ITFG1: variants seen among roughly 807,000 people sequenced by gnomAD.
ITFG1 encodes the protein integrin alpha FG-GAP repeat containing 1.
A neutral mutation model predicts 81.8 loss-of-function variants in ITFG1; 34 were observed. The ratio of observed to expected loss-of-function variants is 0.42; its 90% CI spans 0.32 to 0.55. ITFG1 has a LOEUF of 0.55. ITFG1 is among the 20% of genes least tolerant of loss of function. The pLI is 0.17. For synonymous variants in ITFG1, 285 were observed against 270.6 expected, an observed-to-expected ratio of 1.05 and a Z score of -0.52; for missense variants, 672 against 755.4, an observed-to-expected ratio of 0.89 and a Z score of 1.29.
chr16:47,370,927 C>T lies in ITFG1; in HGVS notation c.720+4949G>A, dbSNP rs567952186. Among the ~76,000 whole-genome samples, 61 of 152,306 alleles carry T rather than the reference C, an allele frequency of 4.0e-4. No homozygotes were observed. The Middle Eastern group carries it at 0.017, about 42-fold the overall frequency. On this transcript the variant is annotated intron_variant, in intron 7 of 17. Coordinates refer to ENST00000320640, the MANE Select transcript of ITFG1 (RefSeq NM_030790.5). ...TTTGAAACTATATATTATTGTTAAT[C>T]GCAGTCATCCTGTCAACTGCAGTGC...
intron 3 of ITFG1, 87 bp from the exon 4 acceptor site, chr16:47,452,877 T>C: frequency 1.6e-6 from 1 of 642,792 alleles, no homozygotes; most frequent in Non-Finnish European, 2.6e-6. Flanking sequence ...ATTCTTCTAC[T>C]CTTTTCTAGA....
At chr16:47,453,254 T>A (rs551375569) in intron 3 of ITFG1, among the ~76,000 whole-genome samples, 1 of 152,326 alleles carries the variant, frequency 6.6e-6, no homozygotes, top group South Asian at 2.1e-4. Context: ...CATTCCCAAA[T>A]GGTGCAGAAA....
At chr16:47,183,779 T>C (rs2151514734) in intron 14 of ITFG1, among the ~76,000 whole-genome samples, 1 of 152,308 alleles carries the variant, frequency 6.6e-6, no homozygotes, top group South Asian at 2.1e-4. Flanking sequence ...GGAACAAAGC[T>C]GGACGGAGAA....
chr16:47,193,934 T>C (rs1965323757), intron 14 of ITFG1, among the ~76,000 whole-genome samples: 1 of 152,228 alleles, frequency 6.6e-6, no homozygotes, highest in South Asian at 2.1e-4. Context: ...CCAATGGGAA[T>C]ATCTGTCTAG....
At chr16:47,265,384 A>G (rs1966264831) in intron 10 of ITFG1, among the ~76,000 whole-genome samples, 3 of 152,074 alleles carry the variant, frequency 2.0e-5, no homozygotes, top group Admixed American at 1.3e-4. Context: ...AGGCAAACAG[A>G]AAAGTCTTTT....
chr16:47,160,318 TC>T (rs1964784249), intron 16 of ITFG1, among the ~76,000 whole-genome samples: 1 of 152,122 alleles, frequency 6.6e-6, no homozygotes, highest in Admixed American at 6.6e-5. Flanking sequence ...ATAGATGGCT[TC>T]TTTTTAAATC....
intron 10 of ITFG1, among the ~76,000 whole-genome samples, chr16:47,265,036 A>G (rs1478040813): frequency 6.6e-6 from 1 of 152,110 alleles, no homozygotes; most frequent in African/African-American, 2.4e-5. Flanking sequence ...TAAGGATTGA[A>G]TGAGAAAATA....
chr16:47,235,920 A>G (rs1383356702), intron 13 of ITFG1, among the ~76,000 whole-genome samples: 1 of 152,218 alleles, frequency 6.6e-6, no homozygotes, highest in East Asian at 1.9e-4. Flanking sequence ...TATCAGTAAA[A>G]TATCAGAGAG....
chr16:47,252,820 G>C (rs1032994672), intron 12 of ITFG1, among the ~76,000 whole-genome samples: 1 of 152,154 alleles, frequency 6.6e-6, no homozygotes, highest in Non-Finnish European at 1.5e-5. Context: ...GGACATTGCC[G>C]ATGGCTGTGA....
chr16:47,406,565 A>G (rs1968731813), intron 6 of ITFG1, among the ~76,000 whole-genome samples: 1 of 152,234 alleles, frequency 6.6e-6, no homozygotes, highest in African/African-American at 2.4e-5. Flanking sequence ...TTCAACAGGT[A>G]TCTGTCAAGT....
At chr16:47,183,319 T>TG (rs1376146294) in intron 14 of ITFG1, among the ~76,000 whole-genome samples, 1 of 152,212 alleles carries the variant, frequency 6.6e-6, no homozygotes, top group Non-Finnish European at 1.5e-5. Context: ...GCTCCACCTC[T>TG]GGGGGCAGGG....
intron 5 of ITFG1, chr16:47,449,244 A>G (rs1329562071): frequency 1.3e-5 from 2 of 152,250 alleles, no homozygotes; most frequent in Non-Finnish European, 2.9e-5. Flanking sequence ...GCATATCCAT[A>G]AAGCATAATA....
intron 5 of ITFG1, among the ~76,000 whole-genome samples, chr16:47,446,016 CTT>C (rs1231487203): frequency 6.6e-6 from 1 of 151,964 alleles, no homozygotes; most frequent in Non-Finnish European, 1.5e-5. Context: ...GAATTAGACT[CTT>C]AAGTCACTGT....
intron 10 of ITFG1, among the ~76,000 whole-genome samples, chr16:47,281,143 C>A (rs768678931): frequency 3.9e-5 from 6 of 151,980 alleles, no homozygotes; most frequent in Non-Finnish European, 7.4e-5. Flanking sequence ...AGCTTGAGAT[C>A]GGGATATGAA....
At chr16:47,205,910 G>A (rs1965492892) in intron 14 of ITFG1, among the ~76,000 whole-genome samples, 1 of 151,678 alleles carries the variant, frequency 6.6e-6, no homozygotes, top group Non-Finnish European at 1.5e-5. Context: ...TTGTTGCCCA[G>A]GCTGGAGTGC....
intron 14 of ITFG1, among the ~76,000 whole-genome samples, chr16:47,182,613 C>G (rs978225823): frequency 6.6e-6 from 1 of 152,086 alleles, no homozygotes; most frequent in African/African-American, 2.4e-5. Flanking sequence ...GGTACAAAAA[C>G]GAAAATATAA....
chr16:47,330,986 G>T (rs542570809), intron 8 of ITFG1, among the ~76,000 whole-genome samples: 1 of 152,198 alleles, frequency 6.6e-6, no homozygotes, highest in South Asian at 2.1e-4. Context: ...ACACTCAAAG[G>T]AAAATAAATT....
intron 5 of ITFG1, among the ~76,000 whole-genome samples, chr16:47,443,568 A>C (rs1969283751): frequency 6.6e-6 from 1 of 152,234 alleles, no homozygotes; most frequent in South Asian, 2.1e-4. Context: ...CTATGCAGAC[A>C]TAAAAAATGA....
rs558201645 is a variant in ITFG1, at chr16:47,347,533, A to T, written c.802+18255T>A. ...CCATTGCTGAGGATTGAGTAGGTAA[A>T]CAAAGCAGCTGGGAAGCCCGAAATG... is the stretch of plus-strand genomic sequence containing the variant. On this transcript the variant is annotated intron_variant, in intron 8 of 17. Coordinates refer to ENST00000320640, the MANE Select transcript of ITFG1 (RefSeq NM_030790.5). Among the ~76,000 whole-genome samples, 18 of 152,128 alleles carry T rather than the reference A, an allele frequency of 1.2e-4. No individual in the cohort carries two copies. The South Asian group carries it at 3.5e-3, about 30-fold the overall frequency.
Sources: allele counts gnomAD v4.1 joint callset (sites outside exome capture counted in the v4.1 genomes callset), GRCh38; gene constraint gnomAD v4.1.1; transcripts MANE v1.5; gene names NCBI Gene and HGNC (gene_info 2026-07-23, HGNC 2026-07-21).